Variants in UNC13B observed in about 807,000 individuals in gnomAD.
UNC13B encodes protein unc-13 homolog B.
UNC13B carries 144 observed loss-of-function variants against 211.0 expected under a neutral mutation model. That is an observed-to-expected ratio of 0.68 (90% confidence interval 0.60 to 0.78). The LOEUF is 0.78. Among genes scored for constraint, UNC13B ranks in the 30% least tolerant of loss-of-function variants. The pLI is 0.00. For synonymous variants in UNC13B, 709 were observed against 725.8 expected, an observed-to-expected ratio of 0.98 and a Z score of 0.37; for missense variants, 1,777 against 2,002.0, an observed-to-expected ratio of 0.89 and a Z score of 2.14.
intron 1 of UNC13B, among the ~76,000 whole-genome samples, chr9:35,224,114 C>G (rs1328953111): frequency 6.6e-6 from 1 of 152,082 alleles, no homozygotes; most frequent in Non-Finnish European, 1.5e-5. Flanking sequence ...TTTTGCTCAG[C>G]ATTGCTTTGA....
intron 13 of UNC13B, among the ~76,000 whole-genome samples, chr9:35,371,533 G>A (rs1356740883): frequency 6.8e-6 from 1 of 147,218 alleles, no homozygotes; most frequent in Non-Finnish European, 1.5e-5. Context: ...GCTGGTTGAA[G>A]ATAAATTCTG....
intron 6 of UNC13B, among the ~76,000 whole-genome samples, chr9:35,247,033 C>T (rs947631235): frequency 2.6e-5 from 4 of 152,088 alleles, no homozygotes; most frequent in African/African-American, 9.7e-5. Flanking sequence ...TTTTGTTGAG[C>T]AGTGGTTTGT....
At chr9:35,398,190 C>G (rs979588581) in intron 30 of UNC13B, 21 bp from the exon 31 acceptor site, 1 of 1,608,474 alleles carries the variant, frequency 6.2e-7, no homozygotes, top group African/African-American at 1.3e-5. Context: ...CAAGACTCAA[C>G]AGCTACATCT....
intron 1 of UNC13B, among the ~76,000 whole-genome samples, chr9:35,187,508 T>C (rs1378661040): frequency 6.6e-6 from 1 of 152,228 alleles, no homozygotes; most frequent in Non-Finnish European, 1.5e-5. Context: ...TTTTTCTCTC[T>C]CCAGTCTTTA....
intron 1 of UNC13B, among the ~76,000 whole-genome samples, chr9:35,180,804 TAC>T (rs1051603799): frequency 2.2e-4 from 33 of 152,058 alleles, no homozygotes; most frequent in African/African-American, 8.0e-4. Flanking sequence ...GGGAAAAAGA[TAC>T]AGAGTTTTGG....
intron 1 of UNC13B, among the ~76,000 whole-genome samples, chr9:35,213,363 C>T (rs1013326488): frequency 8.9e-6 from 1 of 111,740 alleles, no homozygotes; most frequent in African/African-American, 3.0e-5. Flanking sequence ...GAGAGCGCAG[C>T]CATCTGCAAG....
chr9:35,179,316 G>A (rs954146364), intron 1 of UNC13B, among the ~76,000 whole-genome samples: 13 of 152,092 alleles, frequency 8.5e-5, no homozygotes, highest in African/African-American at 2.7e-4. Flanking sequence ...TCATAGACTG[G>A]AGAGTTCATT....
At chr9:35,188,718 T>G (rs1284894978) in intron 1 of UNC13B, among the ~76,000 whole-genome samples, 1 of 152,218 alleles carries the variant, frequency 6.6e-6, no homozygotes, top group Non-Finnish European at 1.5e-5. Flanking sequence ...CGCCATAAAT[T>G]GCTTATTTTG....
At chr9:35,268,992 A>T (rs1306311831) in intron 7 of UNC13B, among the ~76,000 whole-genome samples, 1 of 152,186 alleles carries the variant, frequency 6.6e-6, no homozygotes, top group Non-Finnish European at 1.5e-5. Flanking sequence ...CACAATTCTG[A>T]CACCAAGTAT....
At chr9:35,364,417 G>C (rs1444115106) in intron 11 of UNC13B, 2 of 968,330 alleles carry the variant, frequency 2.1e-6, no homozygotes, top group Non-Finnish European at 3.0e-6. Context: ...CTGCCTAGTT[G>C]TCCCGAGGAC....
intron 6 of UNC13B, among the ~76,000 whole-genome samples, chr9:35,253,163 AC>A (rs1423905340): frequency 2.0e-5 from 3 of 151,968 alleles, no homozygotes; most frequent in Non-Finnish European, 4.4e-5. Flanking sequence ...TTTTTTGGAG[AC>A]AGGGTCTTGC....
chr9:35,378,158 A>T (rs12551074), intron 16 of UNC13B, 137 bp from the exon 17 acceptor site: 2 of 1,279,914 alleles, frequency 1.6e-6, no homozygotes, highest in African/African-American at 3.0e-5. Flanking sequence ...GGCCCAGGAC[A>T]AAGAATAAAT....
chr9:35,172,759 C>T (rs1821401001), intron 1 of UNC13B, among the ~76,000 whole-genome samples: 1 of 152,032 alleles, frequency 6.6e-6, no homozygotes, highest in Non-Finnish European at 1.5e-5. Flanking sequence ...GAAAAAGAAT[C>T]ATGAAATCTT....
intron 11 of UNC13B, among the ~76,000 whole-genome samples, chr9:35,333,478 A>G (rs773495757): frequency 2.0e-5 from 3 of 152,218 alleles, no homozygotes; most frequent in Non-Finnish European, 4.4e-5. Context: ...ATAATATCAT[A>G]CATGTAGAGC....
chr9:35,341,092 TA>T (rs1405963961), intron 11 of UNC13B, among the ~76,000 whole-genome samples: 1 of 152,206 alleles, frequency 6.6e-6, no homozygotes, highest in African/African-American at 2.4e-5. Flanking sequence ...TTTGGGGTCA[TA>T]AAAGGGGCCC....
At chr9:35,375,858 G>A (rs188250955) in intron 14 of UNC13B, among the ~76,000 whole-genome samples, 170 bp from the exon 15 acceptor site, 5 of 152,300 alleles carry the variant, frequency 3.3e-5, no homozygotes, top group Admixed American at 1.3e-4. Flanking sequence ...GCATGTGCAT[G>A]TAATCCCAGC....
At chr9:35,200,691 C>G (rs1179834001) in intron 1 of UNC13B, among the ~76,000 whole-genome samples, 1 of 152,086 alleles carries the variant, frequency 6.6e-6, no homozygotes, top group Non-Finnish European at 1.5e-5. Context: ...ATTTTGTATC[C>G]TGAGACTTTC....
intron 6 of UNC13B, among the ~76,000 whole-genome samples, chr9:35,257,418 A>T (rs1009882269): frequency 2.1e-5 from 3 of 141,074 alleles, no homozygotes; most frequent in African/African-American, 5.2e-5. Context: ...AAATATTTAT[A>T]AAAAATATAA....
intron 1 of UNC13B, among the ~76,000 whole-genome samples, chr9:35,186,659 A>G (rs1398066643): frequency 1.3e-5 from 2 of 152,128 alleles, no homozygotes; most frequent in African/African-American, 4.8e-5. Context: ...GTCAGATTTT[A>G]TAGTCAGTCT....
Sources: allele counts gnomAD v4.1 joint callset (sites outside exome capture counted in the v4.1 genomes callset), GRCh38; gene constraint gnomAD v4.1.1; transcripts MANE v1.5; gene names NCBI Gene and HGNC (gene_info 2026-07-23, HGNC 2026-07-21).